The following LMTK2 variants were observed in gnomAD, a reference collection of about 807,000 sequenced individuals.
LMTK2 encodes the protein serine/threonine-protein kinase LMTK2.
In LMTK2, 37 loss-of-function variants were observed where a neutral mutation model predicts 127.5. The observed-to-expected ratio is 0.29, with a 90% CI of 0.22 to 0.38. The LOEUF (loss-of-function observed/expected upper bound fraction) is 0.38. LMTK2 is among the 10% of genes least tolerant of loss of function. The probability of loss-of-function intolerance (pLI) is 1.00; values close to 1 mark genes in which losing one functional copy is unlikely to be tolerated. For synonymous variants in LMTK2, 819 were observed against 810.1 expected, an observed-to-expected ratio of 1.01 and a Z score of -0.19; for missense variants, 1,694 against 1,920.3, an observed-to-expected ratio of 0.88 and a Z score of 2.20.
chr7:98,148,355 TG>T (rs1364422878), intron 3 of LMTK2, among the ~76,000 whole-genome samples: 1 of 151,862 alleles, frequency 6.6e-6, no homozygotes, highest in Admixed American at 6.6e-5. Context: ...TAGCCGGGCA[TG>T]GTGGCGCTTG....
chr7:98,143,764 G>A (rs1309930887), intron 3 of LMTK2, among the ~76,000 whole-genome samples: 3 of 152,178 alleles, frequency 2.0e-5, no homozygotes, highest in African/African-American at 7.2e-5. Context: ...TCTTGATCGA[G>A]CAGTTCCACT....
chr7:98,140,892 A>AAAAAAATTC, intron 2 of LMTK2, among the ~76,000 whole-genome samples: 1 of 151,490 alleles, frequency 6.6e-6, no homozygotes, highest in Admixed American at 6.6e-5. Flanking sequence ...TACAAAAAAA[A>AAAAAAATTC]AAAAAATTCA....
At chr7:98,145,327 A>G (rs1433607302) in intron 3 of LMTK2, among the ~76,000 whole-genome samples, 1 of 152,028 alleles carries the variant, frequency 6.6e-6, no homozygotes, top group Non-Finnish European at 1.5e-5. Flanking sequence ...TTTGATGCAC[A>G]GGATTCCTAA....
At chr7:98,152,363 A>C (rs1013370353) in intron 4 of LMTK2, among the ~76,000 whole-genome samples, 3 of 152,226 alleles carry the variant, frequency 2.0e-5, no homozygotes, top group African/African-American at 7.2e-5. Context: ...AGGAGGATGC[A>C]CTTCCCAGTA....
rs568157595 is a variant in LMTK2, at chr7:98,135,161, G to A, written c.104-2154G>A. On this transcript the variant is annotated intron_variant, in intron 1 of 13. Coordinates refer to ENST00000297293, the MANE Select transcript of LMTK2 (RefSeq NM_014916.4). ...AAGCTTATTTTAGATTCAAGAATGTGTTTTGCTCACCTAGGAGTTTGGGTT... is the reference window on the plus strand; with the variant it reads ...AAGCTTATTTTAGATTCAAGAATGTATTTTGCTCACCTAGGAGTTTGGGTT... Among the ~76,000 whole-genome samples, 6 of 152,290 alleles carry A rather than the reference G, an allele frequency of 3.9e-5. No homozygotes were observed. In the South Asian group the frequency reaches 1.2e-3, roughly 32 times the overall value.
intron 1 of LMTK2, among the ~76,000 whole-genome samples, chr7:98,110,198 T>C (rs1796181757): frequency 6.6e-6 from 1 of 152,206 alleles, no homozygotes; most frequent in Admixed American, 6.5e-5. Flanking sequence ...AGATCATTTA[T>C]CTATGGTGTC....
intron 5 of LMTK2, among the ~76,000 whole-genome samples, chr7:98,156,861 G>C (rs960601020): frequency 1.3e-5 from 2 of 152,156 alleles, no homozygotes; most frequent in Non-Finnish European, 2.9e-5. Flanking sequence ...TTCCTTCTGT[G>C]GGGGAGGTCA....
chr7:98,138,725 G>A (rs1370065570), intron 2 of LMTK2, among the ~76,000 whole-genome samples: 1 of 152,212 alleles, frequency 6.6e-6, no homozygotes, highest in Non-Finnish European at 1.5e-5. Context: ...CCTGATCAGT[G>A]TTGCTGATAC....
chr7:98,117,856 A>G (rs1308247546), intron 1 of LMTK2, among the ~76,000 whole-genome samples: 2 of 152,030 alleles, frequency 1.3e-5, no homozygotes, highest in African/African-American at 4.8e-5. Flanking sequence ...AATCCCAGCT[A>G]CTCGGGAGGT....
intron 11 of LMTK2, among the ~76,000 whole-genome samples, chr7:98,199,244 T>A (rs1394387222): frequency 2.0e-5 from 3 of 152,246 alleles, no homozygotes; most frequent in Non-Finnish European, 4.4e-5. Context: ...ATGGTATTAG[T>A]TCTTCTCTGT....
intron 3 of LMTK2, among the ~76,000 whole-genome samples, chr7:98,147,838 G>A (rs1168902273): frequency 6.6e-6 from 1 of 152,184 alleles, no homozygotes; most frequent in East Asian, 1.9e-4. Context: ...CTATTTGGGA[G>A]AAACTCATTC....
rs755775055 is a variant in LMTK2 at position 98,193,357 on chromosome 7, G to A, written c.2892G>A (p.Leu964=). The change falls in exon 11 of 14, where the codon TTG becomes TTA. Residue 964 remains leucine (L), a synonymous_variant. Coordinates refer to ENST00000297293, the MANE Select transcript of LMTK2 (RefSeq NM_014916.4). The surrounding 1 kb of genome is among the most constrained non-coding windows in gnomAD (Gnocchi z 4.1). ...NSKDAAKEAG[L]VSALSSDSTS... is the part of the protein sequence containing the mutation. ...AAGACGCAGCAAAAGAAGCAGGCTT[G>A]GTGTCTGCCCTCTCCTCGGACTCAA... 5 of 1,614,178 alleles carry A rather than the reference G, an allele frequency of 3.1e-6. No individual in the cohort carries two copies.
intron 1 of LMTK2, among the ~76,000 whole-genome samples, chr7:98,113,851 C>T (rs541101940): frequency 5.9e-5 from 9 of 152,086 alleles, no homozygotes; most frequent in African/African-American, 1.7e-4. Flanking sequence ...TAGCAAGTGG[C>T]TAATTCGGAG....
chr7:98,199,259 G>C (rs752632307), intron 11 of LMTK2, among the ~76,000 whole-genome samples: 58 of 152,120 alleles, frequency 3.8e-4, no homozygotes, highest in Non-Finnish European at 7.6e-4. Context: ...CTCTGTCATT[G>C]CCGATTTTTC....
chr7:98,191,889 A>G lies in LMTK2; in HGVS notation c.1424A>G (p.Glu475Gly). 1.2e-6 allele frequency: 2 copies of G among 1,614,124 alleles called. No individual in the cohort carries two copies. Among genetic ancestry groups the G allele is most frequent in the Non-Finnish European group, 1.7e-6 (2 of 1,180,030 alleles). The change falls in exon 11 of 14, where the codon GAG becomes GGG. Residue 475 changes from glutamate (E) to glycine (G), a missense_variant. Coordinates refer to ENST00000297293, the MANE Select transcript of LMTK2 (RefSeq NM_014916.4). ...GAAACCAGCCAGGGCCTGAGCTTCGAGTATGTCTGGGAGGCCGCTAAGCAC... is the reference window on the plus strand; with the variant it reads ...GAAACCAGCCAGGGCCTGAGCTTCGGGTATGTCTGGGAGGCCGCTAAGCAC... Reference protein sequence around the residue: ...VTETSQGLSFEYVWEAAKHDH... With the variant: ...VTETSQGLSFGYVWEAAKHDH...
rs749022439 is a variant in LMTK2 at position 98,140,152 on chromosome 7, CTT to C, written c.232-1242_232-1241del. On this transcript the variant is annotated intron_variant, in intron 2 of 13. Transcript: ENST00000297293. ...TTTCTTTCTTTCTTTCTTTTCTTTT[CTT>C]TTCTTTTCTTTTCTTTTCTTTCTTT... is the stretch of plus-strand genomic sequence containing the variant. Among the ~76,000 whole-genome samples, 20 of 59,140 alleles carry C rather than the reference CTT, an allele frequency of 3.4e-4. 2 individuals carry two copies. The highest frequency in any genetic ancestry group is 5.4e-3 in the Middle Eastern group (1 of 186). 38.8% of individuals were successfully genotyped at this position (59,140 alleles called of 152,430 possible).
At chr7:98,131,575 T>C (rs2116348713) in intron 1 of LMTK2, among the ~76,000 whole-genome samples, 1 of 152,386 alleles carries the variant, frequency 6.6e-6, no homozygotes, top group Non-Finnish European at 1.5e-5. Context: ...TGGGCAGTAC[T>C]GTTGCATAGG....
chr7:98,123,706 C>T (rs76980068), intron 1 of LMTK2, among the ~76,000 whole-genome samples: 16 of 134,344 alleles, frequency 1.2e-4, no homozygotes, highest in East Asian at 2.0e-4. Context: ...TTCATATATA[C>T]ACACACACAC....
At chr7:98,124,952 C>G (rs116924121) in intron 1 of LMTK2, among the ~76,000 whole-genome samples, 1 of 152,158 alleles carries the variant, frequency 6.6e-6, no homozygotes, top group Non-Finnish European at 1.5e-5. Flanking sequence ...TCATTTCTTG[C>G]ATGATTTAGT....
Sources: gnomAD v4.1 joint callset for allele counts (sites outside exome capture counted in the v4.1 genomes callset) on GRCh38, gnomAD v4.1.1 for gene constraint, Gnocchi (gnomAD v3.1) non-coding constraint, MANE v1.5 for transcripts, NCBI Gene and HGNC (gene_info 2026-07-23, HGNC 2026-07-21) for gene names.